The following ZNF615 variants were observed in gnomAD, a reference collection of about 807,000 sequenced individuals.
ZNF615 encodes zinc finger protein 615.
In ZNF615, 15 loss-of-function variants were observed where a neutral mutation model predicts 15.3. The observed-to-expected ratio is 0.98, with a 90% CI of 0.66 to 1.51. ZNF615 has a LOEUF of 1.51. Among genes scored for constraint, ZNF615 ranks in the 40% most tolerant of loss-of-function variants. The probability of loss-of-function intolerance (pLI) is 0.00; values close to 1 mark genes in which losing one functional copy is unlikely to be tolerated. For synonymous variants in ZNF615, 268 were observed against 294.6 expected (o/e 0.91, Z 0.92); for missense variants, 848 against 895.9 (o/e 0.95, Z 0.68).
intron 6 of ZNF615, 36 bp from the exon 7 acceptor site, chr19:51,994,873 C>G: frequency 6.6e-7 from 1 of 1,520,334 alleles, no homozygotes; most frequent in Non-Finnish European, 8.8e-7. Flanking sequence ...ACTCCATCAT[C>G]TTGTTTTGAA....
intron 3 of ZNF615, 107 bp from the exon 4 acceptor site, chr19:52,002,388 GT>G (rs10714016): frequency 0.32 from 484,858 of 1,509,974 alleles, 88,880 homozygotes; most frequent in African/African-American, 0.65. Context: ...AGCTGGTGGG[GT>G]TTTTTTCTTA....
Position 52,008,187 on chromosome 19 carries a change from T to A in ZNF615, c.-274A>T. On this transcript the variant is annotated 5_prime_UTR_variant, in exon 1 of 7. Coordinates refer to ENST00000598071, the MANE Select transcript of ZNF615 (RefSeq NM_001199324.2). ...CGGCCTCATCTCTCGGCCTCCTCAG[T>A]GCCTGACGGCGACTATCCAGGGTCG... The A allele has an allele frequency of 6.5e-7, 1 of 1,535,262 alleles. No homozygotes were observed.
intron 1 of ZNF615, 72 bp downstream of exon 1, chr19:52,008,069 C>T (rs2086805324): frequency 1.4e-6 from 2 of 1,436,462 alleles, no homozygotes; most frequent in South Asian, 1.2e-5. Context: ...CACCACTGTC[C>T]ACGAACACGC....
chr19:51,996,468 G>C (rs74608636), intron 6 of ZNF615, among the ~76,000 whole-genome samples: 1 of 150,414 alleles, frequency 6.6e-6, no homozygotes, highest in Non-Finnish European at 1.5e-5. Flanking sequence ...ATGAAAATAG[G>C]AATATTACTA....
At chr19:51,994,921 G>A in intron 6 of ZNF615, 84 bp from the exon 7 acceptor site, 1 of 1,284,412 alleles carries the variant, frequency 7.8e-7, no homozygotes, top group Non-Finnish European at 1.0e-6. Flanking sequence ...CTGCCTTGGT[G>A]TGAGGTGACT....
In ZNF615 at chr19:51,993,407, C is replaced by T; in HGVS notation, c.1702G>A (p.Val568Ile). 1 of 1,613,814 alleles carries T rather than the reference C, an allele frequency of 6.2e-7. No homozygotes were observed. The highest frequency in any genetic ancestry group is 1.1e-5 in the South Asian group (1 of 91,060). The change falls in exon 7 of 7, where the codon GTA (valine) becomes ATA (isoleucine). Residue 568 changes from valine (V) to isoleucine (I), a missense_variant. Val to Ile is a conservative substitution (Grantham distance 29). Coordinates refer to ENST00000598071, the MANE Select transcript of ZNF615 (RefSeq NM_001199324.2). ...KGFTEKSHLN[V>I]HRRTHTGEKP... is the part of the protein sequence containing the mutation. The stretch of plus-strand genomic sequence containing the variant: ...TCTCCTGTATGAGTGCGCCGATGTA[C>T]ATTGAGATGACTCTTCTCAGTGAAG...
intron 3 of ZNF615, among the ~76,000 whole-genome samples, chr19:52,002,915 C>G (rs1359231303): frequency 2.0e-5 from 3 of 151,734 alleles, no homozygotes; most frequent in Non-Finnish European, 4.4e-5. Context: ...CAACTTCTGC[C>G]TCCCGGGTTC....
rs1388671444 is a variant in ZNF615 at position 51,993,745 on chromosome 19, A to C, written c.1364T>G (p.Ile455Ser). The C allele has an allele frequency of 6.2e-7, 1 of 1,612,336 alleles. No individual in the cohort carries two copies. The highest frequency in any genetic ancestry group is 1.7e-5 in the Admixed American group (1 of 59,886). ...GKGFALKSPL[I>S]RHQRTHTGEK... ...TCCAGTATGTGTTCGCTGATGTCTGATGAGTGGGCTCTTCAAAGCGAAGCC... is the reference window on the plus strand; with the variant it reads ...TCCAGTATGTGTTCGCTGATGTCTGCTGAGTGGGCTCTTCAAAGCGAAGCC... Residue 455 changes from isoleucine to serine, a missense_variant, in exon 7 of 7, where the codon ATC becomes AGC. By Grantham distance (142) the Ile-to-Ser change is moderately radical (BLOSUM62 -2). Transcript: ENST00000598071.
At chr19:52,003,560 C>T (rs1442234407) in intron 3 of ZNF615, 137 bp downstream of exon 3, 4 of 768,268 alleles carry the variant, frequency 5.2e-6, no homozygotes, top group Non-Finnish European at 8.3e-6. Context: ...TAATATATCC[C>T]TGATCCTTCT....
chr19:51,998,678 G>A (rs541535283), intron 6 of ZNF615, among the ~76,000 whole-genome samples: 1 of 152,210 alleles, frequency 6.6e-6, no homozygotes, highest in African/African-American at 2.4e-5. Flanking sequence ...GTGTGGTGGA[G>A]GCAGGGGGGT....
In ZNF615 at chr19:51,994,601, T is replaced by C; in HGVS notation, c.508A>G (p.Asn170Asp). The change falls in exon 7 of 7, where the codon AAT becomes GAT. Residue 170 changes from asparagine to aspartate, a missense_variant. Coordinates refer to ENST00000598071, the MANE Select transcript of ZNF615 (RefSeq NM_001199324.2). Reference protein sequence around the residue: ...SSGLKNSAEFNRDGKSLFHAN... With the variant: ...SSGLKNSAEFDRDGKSLFHAN... ...TGAAAAAGGGATTTCCCATCTCTAT[T>C]AAACTCAGCAGAGTTCTTTAGGCCA... 6.2e-7 allele frequency: 1 copy of C among 1,613,910 alleles called. No homozygotes were observed. The highest frequency in any genetic ancestry group is 8.5e-7 in the Non-Finnish European group (1 of 1,179,992).
Position 51,994,031 on chromosome 19 carries a change from A to G in ZNF615, c.1078T>C (p.Cys360Arg), listed in dbSNP as rs1315365297. Reference protein sequence around the residue: ...TGEKPYICSECGKGFIEKRRL... With the variant: ...TGEKPYICSERGKGFIEKRRL... ...CTCTTCTCAATGAAGCCTTTTCCAC[A>G]TTCACTACATATATAAGGTTTTTCT... is the stretch of plus-strand genomic sequence containing the variant. The change falls in exon 7 of 7, where the codon TGT becomes CGT. Residue 360 changes from cysteine to arginine, a missense_variant. By Grantham distance (180) the Cys-to-Arg change is radical (BLOSUM62 -3). Transcript: ENST00000598071. The G allele has an allele frequency of 6.2e-7, 1 of 1,612,440 alleles. No homozygotes were observed. Among genetic ancestry groups the G allele is most frequent in the Non-Finnish European group, 8.5e-7 (1 of 1,179,226 alleles).
In ZNF615 at chr19:51,994,719, A is replaced by T. The variant is rs779817114; in HGVS notation, c.390T>A (p.Gly130=). 1.2e-6 allele frequency: 2 copies of T among 1,613,660 alleles called. No homozygotes were observed. The highest frequency in any genetic ancestry group is 2.2e-5 in the South Asian group (2 of 91,070). ...MFGNIVNQNK[G]HFLLKQDCDT... ...CACAATCTTGCTTCAGCAGGAAATGACCTTTGTTCTGATTAACAATATTTC... is the reference window on the plus strand; with the variant it reads ...CACAATCTTGCTTCAGCAGGAAATGTCCTTTGTTCTGATTAACAATATTTC... Residue 130 remains glycine (G), a synonymous_variant, in exon 7 of 7, where the codon GGT becomes GGA. Transcript: ENST00000598071.
chr19:51,994,757 G>C lies in ZNF615; in HGVS notation c.352C>G (p.Gln118Glu). The change falls in exon 7 of 7, where the codon CAG (glutamine) becomes GAG (glutamate). Residue 118 changes from glutamine (Q) to glutamate (E), a missense_variant. Physicochemically the swap from Gln to Glu is conservative, Grantham distance 29. Transcript: ENST00000598071. Reference sequence around the variant, plus strand: ...TTAACAATATTTCCAAACATATTCTGTTCATGGCACTGTTTCACACTCTTC... The same window carrying C: ...TTAACAATATTTCCAAACATATTCTCTTCATGGCACTGTTTCACACTCTTC... ...IQKSVKQCHE[Q>E]NMFGNIVNQN... 1 of 1,613,588 alleles carries C rather than the reference G, an allele frequency of 6.2e-7. No homozygotes were observed. Among genetic ancestry groups the C allele is most frequent in the Non-Finnish European group, 8.5e-7 (1 of 1,179,918 alleles).
Position 51,994,747 on chromosome 19 carries a change from A to G in ZNF615, c.362T>C (p.Phe121Ser), listed in dbSNP as rs746320088. The change falls in exon 7 of 7, where the codon TTT becomes TCT. Residue 121 changes from phenylalanine (F) to serine (S), a missense_variant. Phe to Ser is a radical substitution (Grantham distance 155, BLOSUM62 -2). Transcript: ENST00000598071. ...TTTGTTCTGATTAACAATATTTCCA[A>G]ACATATTCTGTTCATGGCACTGTTT... Reference protein sequence around the residue: ...SVKQCHEQNMFGNIVNQNKGH... With the variant: ...SVKQCHEQNMSGNIVNQNKGH... The G allele has an allele frequency of 1.9e-6, 3 of 1,613,872 alleles. No homozygotes were observed. The highest frequency in any genetic ancestry group is 2.5e-6 in the Non-Finnish European group (3 of 1,180,000).
intron 6 of ZNF615, among the ~76,000 whole-genome samples, chr19:51,996,301 G>A (rs534465217): frequency 1.4e-5 from 2 of 146,082 alleles, no homozygotes; most frequent in Admixed American, 1.4e-4. Context: ...CACAAGAATC[G>A]CTTGAACCCA....
In ZNF615 at chr19:51,994,118, C is replaced by A. The variant is rs1047050352; in HGVS notation, c.991G>T (p.Val331Leu). Residue 331 changes from valine (V) to leucine (L), a missense_variant, in exon 7 of 7, where the codon GTA becomes TTA. Transcript: ENST00000598071. ...TTTGTAGAGAAGGCCTTCCCACATA[C>A]ACTGCATCCATGGGGTTTCTCTCCT... ...HTGEKPHGCS[V>L]CGKAFSTKFS... 1 of 1,614,078 alleles carries A rather than the reference C, an allele frequency of 6.2e-7. No individual in the cohort carries two copies.
At chr19:52,007,381 T>A (rs1600024132) in intron 1 of ZNF615, 51 bp from the exon 2 acceptor site, 1 of 1,104,314 alleles carries the variant, frequency 9.1e-7, no homozygotes, top group East Asian at 6.0e-5. Flanking sequence ...GGACAAAGGG[T>A]AGAAGCCGCA....
chr19:52,007,835 A>AC (rs1314005705), intron 1 of ZNF615: 5 of 376,214 alleles, frequency 1.3e-5, no homozygotes, highest in Non-Finnish European at 2.4e-5. Context: ...CACCAAAGAC[A>AC]CCAGAATGTG....
Sources: allele counts gnomAD v4.1 joint callset (sites outside exome capture counted in the v4.1 genomes callset), GRCh38; gene constraint gnomAD v4.1.1; transcripts MANE v1.5; gene names NCBI Gene and HGNC (gene_info 2026-07-23, HGNC 2026-07-21).